PGCKA1: variants seen among roughly 807,000 people sequenced by gnomAD.
PGCKA1 encodes PDCD10 and GCKIII kinases-associated protein 1.
At chr4:37,471,980 T>C in the PGCKA1 span, among the ~76,000 whole-genome samples, 1 of 152,190 alleles carries the variant, frequency 6.6e-6, no homozygotes, top group Non-Finnish European at 1.5e-5. Context: ...GGATTTCTTC[T>C]CTTATTTGAT....
At chr4:37,582,251 T>C in the PGCKA1 span, among the ~76,000 whole-genome samples, 3 of 152,174 alleles carry the variant, frequency 2.0e-5, no homozygotes, top group Non-Finnish European at 2.9e-5. Flanking sequence ...TTGGTTCTTA[T>C]AAAGGTGCTT....
the PGCKA1 span, among the ~76,000 whole-genome samples, chr4:37,478,167 G>A: frequency 4.9e-5 from 4 of 81,392 alleles, no homozygotes. Context: ...CACTTACTTT[G>A]TGCTGCCATT....
chr4:37,500,802 C>A, the PGCKA1 span, among the ~76,000 whole-genome samples: 1 of 152,182 alleles, frequency 6.6e-6, no homozygotes, highest in Admixed American at 6.5e-5. Context: ...TCTGGGTTCT[C>A]CGATGTTGTG....
At chr4:37,516,552 C>T in the PGCKA1 span, among the ~76,000 whole-genome samples, 1 of 152,190 alleles carries the variant, frequency 6.6e-6, no homozygotes, top group East Asian at 1.9e-4. Context: ...CTCACTCCCT[C>T]ACTGTTTCAT....
At chr4:37,541,703 G>A in the PGCKA1 span, among the ~76,000 whole-genome samples, 9 of 152,190 alleles carry the variant, frequency 5.9e-5, no homozygotes, top group African/African-American at 9.7e-5. Flanking sequence ...AGGCCACACA[G>A]CTTATAAGTA....
the PGCKA1 span, chr4:37,590,711 G>A: frequency 3.1e-6 from 5 of 1,614,070 alleles, no homozygotes; most frequent in East Asian, 1.1e-4. Context: ...TCCCTAGAGG[G>A]AATTCAGCCC....
At chr4:37,551,369 A>G in the PGCKA1 span, among the ~76,000 whole-genome samples, 1 of 152,362 alleles carries the variant, frequency 6.6e-6, no homozygotes, top group East Asian at 1.9e-4. Context: ...TAGGCCTGCC[A>G]GCTAGACACA....
the PGCKA1 span, among the ~76,000 whole-genome samples, chr4:37,514,379 T>G: frequency 1.5e-4 from 23 of 152,214 alleles, no homozygotes; most frequent in Admixed American, 8.5e-4. Flanking sequence ...AGTTTCTAAC[T>G]AAAGATATCT....
the PGCKA1 span, among the ~76,000 whole-genome samples, chr4:37,564,381 A>T: frequency 2.0e-5 from 3 of 152,096 alleles, no homozygotes; most frequent in Non-Finnish European, 4.4e-5. Context: ...TGCAAGACAC[A>T]TATTGCCAGC....
the PGCKA1 span, among the ~76,000 whole-genome samples, chr4:37,541,084 T>C: frequency 1.3e-5 from 2 of 151,558 alleles, no homozygotes; most frequent in African/African-American, 4.9e-5. Context: ...CTAGCTCTAT[T>C]TTTCCCCACC....
At chr4:37,459,837 T>G in the PGCKA1 span, among the ~76,000 whole-genome samples, 2 of 89,692 alleles carry the variant, frequency 2.2e-5, no homozygotes, top group South Asian at 7.6e-4. Flanking sequence ...TTTTTTTAAT[T>G]TTATTTTATT....
At chr4:37,558,312 G>C in the PGCKA1 span, among the ~76,000 whole-genome samples, 1 of 152,186 alleles carries the variant, frequency 6.6e-6, no homozygotes, top group African/African-American at 2.4e-5. Flanking sequence ...GTGTGATAAT[G>C]CATGGTTCAA....
the PGCKA1 span, among the ~76,000 whole-genome samples, chr4:37,538,992 G>T: frequency 1.3e-5 from 2 of 152,122 alleles, no homozygotes; most frequent in Non-Finnish European, 2.9e-5. Flanking sequence ...GATGCATGTC[G>T]CAATGATAAT....
At chr4:37,586,282 T>C in the PGCKA1 span, among the ~76,000 whole-genome samples, 1 of 152,270 alleles carries the variant, frequency 6.6e-6, no homozygotes, top group East Asian at 1.9e-4. Context: ...AATGTCTTGA[T>C]TGGTTGCAGA....
At chr4:37,496,210 T>C in the PGCKA1 span, among the ~76,000 whole-genome samples, 1 of 152,268 alleles carries the variant, frequency 6.6e-6, no homozygotes, top group Non-Finnish European at 1.5e-5. Flanking sequence ...ATGTCCAAAA[T>C]GGTATTGCCT....
At chr4:37,540,815 A>G in the PGCKA1 span, among the ~76,000 whole-genome samples, 852 of 152,330 alleles carry the variant, frequency 5.6e-3, 12 homozygotes, top group African/African-American at 0.019. Flanking sequence ...GGGGGAACCC[A>G]TCAAAGAGAA....
At chr4:37,453,740 C>A in the PGCKA1 span, among the ~76,000 whole-genome samples, 1 of 152,108 alleles carries the variant, frequency 6.6e-6, no homozygotes, top group Admixed American at 6.5e-5. Flanking sequence ...TGCTTCAGTG[C>A]GCCCGGGACT....
At chr4:37,517,819 A>G in the PGCKA1 span, among the ~76,000 whole-genome samples, 1 of 152,298 alleles carries the variant, frequency 6.6e-6, no homozygotes, top group East Asian at 1.9e-4. Flanking sequence ...GACTATAGTC[A>G]CCCTCTTGTG....
At chr4:37,501,038 G>A in the PGCKA1 span, among the ~76,000 whole-genome samples, 1 of 152,174 alleles carries the variant, frequency 6.6e-6, no homozygotes, top group Non-Finnish European at 1.5e-5. Context: ...CTTGAAGACA[G>A]TATACCACTG....
Sources: allele counts gnomAD v4.1 joint callset (sites outside exome capture counted in the v4.1 genomes callset), GRCh38; gene constraint gnomAD v4.1.1; transcripts MANE v1.5; gene names NCBI Gene and HGNC (gene_info 2026-07-23, HGNC 2026-07-21).